Variants in RPTOR observed in about 807,000 individuals in gnomAD.
RPTOR encodes the protein regulatory associated protein of MTOR complex 1, also known as regulatory-associated protein of mTOR.
A neutral mutation model predicts 169.9 loss-of-function variants in RPTOR; 21 were observed. That is an observed-to-expected ratio of 0.12 (90% CI 0.09 to 0.18). RPTOR has a LOEUF of 0.18. RPTOR is among the 10% of genes least tolerant of loss of function. The pLI, the probability that RPTOR is intolerant of heterozygous loss-of-function variation, is 1.00. For missense variants in RPTOR, 1,133 were observed against 1,855.9 expected (o/e 0.61, Z 7.16); for synonymous variants, 732 against 753.2 (o/e 0.97, Z 0.46).
At chr17:80,627,143 C>T (rs574232236) in intron 2 of RPTOR, among the ~76,000 whole-genome samples, 5 of 152,290 alleles carry the variant, frequency 3.3e-5, no homozygotes, top group South Asian at 4.1e-4. Flanking sequence ...GCCGCAGCCT[C>T]GCAATAACTG....
chr17:80,827,840 G>A (rs1452669869), intron 9 of RPTOR, among the ~76,000 whole-genome samples: 1 of 152,166 alleles, frequency 6.6e-6, no homozygotes, highest in Non-Finnish European at 1.5e-5. Flanking sequence ...ACAATTGTTA[G>A]GCCATCTCCC....
At chr17:80,961,518 A>G in intron 31 of RPTOR, 38 bp downstream of exon 31, 2 of 1,534,152 alleles carry the variant, frequency 1.3e-6, no homozygotes, top group Non-Finnish European at 1.8e-6. Context: ...TTCTGCTGTA[A>G]AAACATTATT....
At chr17:80,752,882 T>A (rs1279241004) in intron 5 of RPTOR, among the ~76,000 whole-genome samples, 1 of 152,238 alleles carries the variant, frequency 6.6e-6, no homozygotes, top group Non-Finnish European at 1.5e-5. Context: ...AAAAGTGAAA[T>A]TTTCTGTGCA....
intron 6 of RPTOR, among the ~76,000 whole-genome samples, chr17:80,756,492 T>C (rs1049208397): frequency 1.4e-3 from 211 of 152,222 alleles, no homozygotes; most frequent in African/African-American, 4.9e-3. Context: ...GAGAGAAGAA[T>C]TGTAATGGCC....
intron 20 of RPTOR, among the ~76,000 whole-genome samples, chr17:80,894,397 C>T (rs2068372846): frequency 1.3e-5 from 2 of 152,166 alleles, no homozygotes; most frequent in African/African-American, 4.8e-5. Context: ...CCCCGCCCTG[C>T]TCACCTGCGG....
intron 14 of RPTOR, among the ~76,000 whole-genome samples, chr17:80,881,800 C>T (rs2068188881): frequency 6.6e-6 from 1 of 152,178 alleles, no homozygotes; most frequent in Admixed American, 6.5e-5. Context: ...CCAGCCTGAG[C>T]AACAGAGTGA....
chr17:80,903,934 C>T (rs142204634), intron 20 of RPTOR, among the ~76,000 whole-genome samples: 215 of 152,300 alleles, frequency 1.4e-3, no homozygotes, highest in African/African-American at 5.0e-3. Context: ...TGTCAGAAGA[C>T]GGTGGTGAGA....
chr17:80,761,956 C>T (rs1161486723), intron 6 of RPTOR, among the ~76,000 whole-genome samples: 2 of 152,134 alleles, frequency 1.3e-5, no homozygotes, highest in East Asian at 1.9e-4. Context: ...TTGGAATTTG[C>T]GTCTGGAGAA....
intron 7 of RPTOR, among the ~76,000 whole-genome samples, chr17:80,804,122 A>G (rs895907393): frequency 6.6e-6 from 1 of 152,174 alleles, no homozygotes; most frequent in Non-Finnish European, 1.5e-5. Flanking sequence ...GGCACTTAGG[A>G]GCTTGATGGC....
intron 1 of RPTOR, among the ~76,000 whole-genome samples, chr17:80,585,988 GC>G (rs2065057508): frequency 6.6e-6 from 1 of 151,876 alleles, no homozygotes; most frequent in African/African-American, 2.4e-5. Flanking sequence ...GGTCTTCTGA[GC>G]CCCGTTCTCA....
At chr17:80,938,237 G>C (rs1345014868) in intron 24 of RPTOR, among the ~76,000 whole-genome samples, 1 of 152,192 alleles carries the variant, frequency 6.6e-6, no homozygotes, top group Non-Finnish European at 1.5e-5. Flanking sequence ...GTTGTCTTTG[G>C]AGCTGAGGCT....
intron 21 of RPTOR, among the ~76,000 whole-genome samples, chr17:80,910,522 G>A (rs775695178): frequency 2.2e-4 from 33 of 152,282 alleles, no homozygotes; most frequent in African/African-American, 6.0e-4. Context: ...GGTGTTCTAC[G>A]TCTTCATCTG....
intron 1 of RPTOR, among the ~76,000 whole-genome samples, chr17:80,567,793 AAAAATAAAT>A (rs1430052848): frequency 7.2e-6 from 1 of 139,608 alleles, no homozygotes; most frequent in Non-Finnish European, 1.6e-5. Flanking sequence ...CTCTGTATCA[AAAAATAAAT>A]AAAATAAATA....
At chr17:80,914,704 T>C (rs1448890046) in intron 21 of RPTOR, among the ~76,000 whole-genome samples, 1 of 152,196 alleles carries the variant, frequency 6.6e-6, no homozygotes, top group Non-Finnish European at 1.5e-5. Flanking sequence ...CTCTGGACTT[T>C]GGGCACCAAC....
Position 80,609,627 on chromosome 17 carries a change from T to C in RPTOR, c.163-16064T>C, listed in dbSNP as rs1484859471. Among the ~76,000 whole-genome samples, 2 of 151,954 alleles carry C rather than the reference T, an allele frequency of 1.3e-5. No individual in the cohort carries two copies. The highest frequency in any genetic ancestry group is 2.9e-5 in the Non-Finnish European group (2 of 67,982). ...GGGCATGATGGCGCACGCCTGTAATTCCGGCTACTCAGGAGGCTGAGGCAT... is the reference window on the plus strand; with the variant it reads ...GGGCATGATGGCGCACGCCTGTAATCCCGGCTACTCAGGAGGCTGAGGCAT... On this transcript the variant is annotated intron_variant, in intron 1 of 33. Transcript: ENST00000306801. This position sits in a 1 kb window ranked among gnomAD's most constrained non-coding sequence, Gnocchi z 4.8.
chr17:80,576,916 C>T (rs2064968574), intron 1 of RPTOR, among the ~76,000 whole-genome samples: 1 of 152,096 alleles, frequency 6.6e-6, no homozygotes, highest in Non-Finnish European at 1.5e-5. Flanking sequence ...GTGGCCCAGG[C>T]TTGTCTCGAA....
At chr17:80,922,989 A>G (rs2068765056) in intron 22 of RPTOR, among the ~76,000 whole-genome samples, 162 bp downstream of exon 22, 1 of 151,894 alleles carries the variant, frequency 6.6e-6, no homozygotes, top group African/African-American at 2.4e-5. Flanking sequence ...TCCCTCCCGG[A>G]CACCCCGGTA....
chr17:80,783,810 G>A (rs1396035990), intron 6 of RPTOR, among the ~76,000 whole-genome samples: 3 of 152,220 alleles, frequency 2.0e-5, no homozygotes, highest in East Asian at 3.8e-4. Flanking sequence ...AGCACGGAGG[G>A]CCACTATGAA....
chr17:80,785,623 G>A (rs1188032666), intron 6 of RPTOR, among the ~76,000 whole-genome samples: 4 of 152,116 alleles, frequency 2.6e-5, no homozygotes, highest in Non-Finnish European at 4.4e-5. Flanking sequence ...CAGTTTCCGC[G>A]GCCAGGCTGG....
Sources: gnomAD v4.1 joint callset for allele counts (sites outside exome capture counted in the v4.1 genomes callset) on GRCh38, gnomAD v4.1.1 for gene constraint, Gnocchi (gnomAD v3.1) non-coding constraint, MANE v1.5 for transcripts, NCBI Gene and HGNC (gene_info 2026-07-23, HGNC 2026-07-21) for gene names.